Variants in MED12L observed in about 807,000 individuals in gnomAD.
The protein encoded by MED12L is mediator of RNA polymerase II transcription subunit 12-like protein.
Under a neutral mutation model 281.3 loss-of-function variants are expected in MED12L, and 60 were observed. The observed-to-expected ratio is 0.21, with a 90% CI of 0.17 to 0.26. The LOEUF (loss-of-function observed/expected upper bound fraction) is 0.26, where lower values mean the gene tolerates loss of function less well. MED12L is among the 10% of genes least tolerant of loss of function. MED12L has a pLI of 1.00. For synonymous variants in MED12L, 974 were observed against 987.2 expected, an observed-to-expected ratio of 0.99 and a Z score of 0.25; for missense variants, 2,146 against 2,680.9, an observed-to-expected ratio of 0.80 and a Z score of 4.41.
chr3:151,413,059 G>A (rs984161375), intron 41 of MED12L, 80 bp from the exon 42 acceptor site: 12 of 1,482,654 alleles, frequency 8.1e-6, no homozygotes, highest in Non-Finnish European at 1.1e-5. Context: ...CTTGGTTGGT[G>A]TATGTCATGT....
intron 16 of MED12L, among the ~76,000 whole-genome samples, chr3:151,322,047 A>G (rs1029123464): frequency 9.9e-5 from 15 of 152,182 alleles, no homozygotes; most frequent in South Asian, 2.1e-4. Context: ...GTTGCACCCA[A>G]CTGTTTGATT....
chr3:151,243,712 C>G (rs948892828), intron 16 of MED12L, among the ~76,000 whole-genome samples: 4 of 151,802 alleles, frequency 2.6e-5, no homozygotes, highest in Non-Finnish European at 4.4e-5. Context: ...CATCAACTAA[C>G]GAGCAAAATA....
chr3:151,092,088 C>G (rs1481286885), intron 2 of MED12L, among the ~76,000 whole-genome samples: 1 of 152,212 alleles, frequency 6.6e-6, no homozygotes, highest in African/African-American at 2.4e-5. Flanking sequence ...TGAGTCACCC[C>G]TTCCAACTTG....
chr3:151,136,067 G>A (rs1716097627), intron 5 of MED12L, among the ~76,000 whole-genome samples: 1 of 152,160 alleles, frequency 6.6e-6, no homozygotes, highest in Admixed American at 6.5e-5. Flanking sequence ...GCCACCTGAG[G>A]TTTTGTGGGG....
At chr3:151,428,776 T>G (rs987832438) in intron 43 of MED12L, among the ~76,000 whole-genome samples, 4 of 152,328 alleles carry the variant, frequency 2.6e-5, no homozygotes, top group African/African-American at 9.6e-5. Flanking sequence ...AGGTAAACAA[T>G]GAATAACACT....
At chr3:151,305,227 C>T (rs968076741) in intron 16 of MED12L, among the ~76,000 whole-genome samples, 3 of 152,178 alleles carry the variant, frequency 2.0e-5, no homozygotes, top group East Asian at 1.9e-4. Flanking sequence ...GGATCCCGGG[C>T]GGGAATCCTG....
intron 11 of MED12L, among the ~76,000 whole-genome samples, chr3:151,180,350 G>A (rs1166114734): frequency 1.3e-5 from 2 of 152,186 alleles, no homozygotes; most frequent in East Asian, 3.9e-4. Context: ...CGAAGGGGTG[G>A]AAGGCTAGAC....
Position 151,117,902 on chromosome 3 carries a change from C to T in MED12L, c.204+1460C>T, listed in dbSNP as rs193021019. ...GGTCAGGAGTTCGAGACCAGCCTGG[C>T]CAACATGGTGAAACCCTGTCTCTAC... On this transcript the variant is annotated intron_variant, in intron 3 of 44. Transcript: ENST00000687756. Among the ~76,000 whole-genome samples the T allele has an allele frequency of 1.5e-3, 226 of 151,994 alleles. 1 individual carries two copies. Among genetic ancestry groups the T allele is most frequent in the African/African-American group, 4.9e-3 (203 of 41,436 alleles).
At chr3:151,265,887 C>T (rs1192941108) in intron 16 of MED12L, among the ~76,000 whole-genome samples, 14 of 152,140 alleles carry the variant, frequency 9.2e-5, no homozygotes, top group Admixed American at 9.2e-4. Context: ...CATGGAAAGG[C>T]TTGGAGCAGA....
chr3:151,141,177 TGTTTTTTTTG>T (rs1716897996), intron 5 of MED12L, among the ~76,000 whole-genome samples: 2 of 126,950 alleles, frequency 1.6e-5, no homozygotes, highest in African/African-American at 7.7e-5. Flanking sequence ...TTTTTTTTTT[TGTTTTTTTTG>T]TTTTTTTTTT....
intron 16 of MED12L, among the ~76,000 whole-genome samples, chr3:151,286,686 C>T (rs531220571): frequency 1.3e-5 from 2 of 152,290 alleles, no homozygotes; most frequent in African/African-American, 2.4e-5. Context: ...TTAACATAGA[C>T]ATATTTTCCT....
chr3:151,342,182 A>G (rs1440142185), intron 16 of MED12L, among the ~76,000 whole-genome samples: 1 of 152,212 alleles, frequency 6.6e-6, no homozygotes, highest in African/African-American at 2.4e-5. Context: ...GAACTAGTTT[A>G]TAGTCCCACC....
At chr3:151,251,539 G>A (rs929394330) in intron 16 of MED12L, among the ~76,000 whole-genome samples, 4 of 152,138 alleles carry the variant, frequency 2.6e-5, no homozygotes, top group African/African-American at 7.2e-5. Context: ...AAGCAGCACT[G>A]TGTCCCTTTT....
At chr3:151,358,283 A>G (rs1754179747) in intron 20 of MED12L, among the ~76,000 whole-genome samples, 1 of 152,154 alleles carries the variant, frequency 6.6e-6, no homozygotes, top group Non-Finnish European at 1.5e-5. Context: ...ATATTTACAT[A>G]TTAGAATTCA....
At chr3:151,429,629 C>T (rs1719250380) in intron 43 of MED12L, among the ~76,000 whole-genome samples, 1 of 152,166 alleles carries the variant, frequency 6.6e-6, no homozygotes, top group South Asian at 2.1e-4. Context: ...TTTCTTGCAT[C>T]AACTTAATAG....
At chr3:151,098,447 G>A (rs1351112102) in intron 2 of MED12L, among the ~76,000 whole-genome samples, 1 of 152,184 alleles carries the variant, frequency 6.6e-6, no homozygotes, top group Admixed American at 6.5e-5. Flanking sequence ...CTGGGTGTTG[G>A]CAGGGCCACG....
intron 16 of MED12L, among the ~76,000 whole-genome samples, chr3:151,312,622 G>GT (rs1747700038): frequency 6.6e-6 from 1 of 152,168 alleles, no homozygotes; most frequent in Non-Finnish European, 1.5e-5. Context: ...AGGCTACAGG[G>GT]CAAAACCCTT....
At chr3:151,317,478 T>C (rs890461569) in intron 16 of MED12L, among the ~76,000 whole-genome samples, 1 of 116,176 alleles carries the variant, frequency 8.6e-6, no homozygotes, top group African/African-American at 3.3e-5. Flanking sequence ...TGAGACGGAG[T>C]CTCACACTGT....
In MED12L at chr3:151,106,740, T is replaced by C. The variant is rs1722122535; in HGVS notation, c.100-9598T>C. ...ATGATTGTTATGCCTTTCTGATGAA[T>C]TGACCTTTTTATCATTATGACTTGT... On this transcript the variant is annotated intron_variant, in intron 2 of 44. Transcript: ENST00000687756. Among the ~76,000 whole-genome samples the C allele has an allele frequency of 2.6e-5, 4 of 152,218 alleles. No homozygotes were observed. In the South Asian group the frequency reaches 8.3e-4, roughly 32 times the overall value.
Sources: allele counts gnomAD v4.1 joint callset (sites outside exome capture counted in the v4.1 genomes callset), GRCh38; gene constraint gnomAD v4.1.1; transcripts MANE v1.5; gene names NCBI Gene and HGNC (gene_info 2026-07-23, HGNC 2026-07-21).